MCC: variants seen among roughly 807,000 people sequenced by gnomAD.
The protein encoded by MCC is colorectal mutant cancer protein.
In MCC, 90 loss-of-function variants were observed where a neutral mutation model predicts 116.2. That is an observed-to-expected ratio of 0.77 (90% CI 0.65 to 0.92). MCC has a LOEUF of 0.92. Ranked by LOEUF, MCC falls within the 40% of genes least tolerant of loss-of-function variation. The pLI is 0.00. For synonymous variants in MCC, 578 were observed against 510.5 expected (o/e 1.13, Z -1.78); for missense variants, 1,516 against 1,312.2 (o/e 1.16, Z -2.40).
intron 3 of MCC, among the ~76,000 whole-genome samples, chr5:113,222,328 T>C (rs1763581103): frequency 6.6e-6 from 1 of 152,224 alleles, no homozygotes; most frequent in Admixed American, 6.5e-5. Context: ...GCTAAAATTG[T>C]CTTTTTTTAC....
intron 1 of MCC, among the ~76,000 whole-genome samples, chr5:113,484,622 A>T (rs895889871): frequency 4.6e-5 from 7 of 152,222 alleles, no homozygotes; most frequent in African/African-American, 1.7e-4. Context: ...ACGGCAGGAT[A>T]AAGCAAATCT....
intron 3 of MCC, among the ~76,000 whole-genome samples, chr5:113,168,185 C>T (rs1470494929): frequency 1.3e-5 from 2 of 152,060 alleles, no homozygotes; most frequent in African/African-American, 4.8e-5. Context: ...CAAGGGCATG[C>T]CACAACAAGC....
rs1762177240 is a variant in MCC at position 113,192,101 on chromosome 5, C to T, written c.628-40679G>A. ...GATGATGTTTATGTCACTTTTTGAGCTTAGATCTCATTCCAGTGTGCTGGG... is the reference window on the plus strand; with the variant it reads ...GATGATGTTTATGTCACTTTTTGAGTTTAGATCTCATTCCAGTGTGCTGGG... On this transcript the variant is annotated intron_variant, in intron 3 of 18. Coordinates refer to ENST00000408903, the MANE Select transcript of MCC (RefSeq NM_001085377.2). 2.0e-5 allele frequency among the ~76,000 whole-genome samples: 3 copies of T among 152,282 alleles called. No individual in the cohort carries two copies. The South Asian group carries it at 6.2e-4, about 32-fold the overall frequency.
intron 3 of MCC, among the ~76,000 whole-genome samples, chr5:113,313,833 T>C (rs1767201185): frequency 6.6e-6 from 1 of 152,076 alleles, no homozygotes; most frequent in Non-Finnish European, 1.5e-5. Flanking sequence ...GTTTGTTTGT[T>C]TGTTTCAGAC....
At chr5:113,065,174 C>A (rs1753511259) in intron 13 of MCC, among the ~76,000 whole-genome samples, 1 of 152,098 alleles carries the variant, frequency 6.6e-6, no homozygotes, top group African/African-American at 2.4e-5. Context: ...CAAGAATGAA[C>A]TCTGATGTAA....
intron 3 of MCC, among the ~76,000 whole-genome samples, chr5:113,208,801 C>T: frequency 6.6e-6 from 1 of 151,996 alleles, no homozygotes; most frequent in East Asian, 1.9e-4. Flanking sequence ...CAGTTCCTCA[C>T]TGTATTACTC....
intron 1 of MCC, among the ~76,000 whole-genome samples, chr5:113,472,659 T>A (rs1481462951): frequency 6.6e-6 from 1 of 152,220 alleles, no homozygotes; most frequent in African/African-American, 2.4e-5. Context: ...TGATTGTGAA[T>A]AGCAAATTAT....
At chr5:113,145,771 CACACACACACACAAA>C (rs1759470785) in intron 4 of MCC, among the ~76,000 whole-genome samples, 1,001 of 23,862 alleles carry the variant, frequency 0.042, 20 homozygotes, top group African/African-American at 0.11. Flanking sequence ...CACACACACA[CACACACACACACAAA>C]CACACACACA....
intron 3 of MCC, among the ~76,000 whole-genome samples, chr5:113,197,463 T>C (rs921440369): frequency 2.0e-5 from 3 of 152,170 alleles, no homozygotes; most frequent in Non-Finnish European, 4.4e-5. Flanking sequence ...AACCACTGGA[T>C]TGTACATTTG....
chr5:113,097,267 C>T (rs1374810011), intron 8 of MCC, among the ~76,000 whole-genome samples: 1 of 152,112 alleles, frequency 6.6e-6, no homozygotes, highest in Non-Finnish European at 1.5e-5. Context: ...CGCATACTTC[C>T]ACTGCCCAGA....
At chr5:113,039,649 A>G (rs1433670146) in intron 17 of MCC, among the ~76,000 whole-genome samples, 2 of 151,848 alleles carry the variant, frequency 1.3e-5, no homozygotes, top group Non-Finnish European at 2.9e-5. Flanking sequence ...AAACATGCAG[A>G]CTTCCCCACT....
At chr5:113,283,100 C>G (rs2150357885) in intron 3 of MCC, among the ~76,000 whole-genome samples, 1 of 152,378 alleles carries the variant, frequency 6.6e-6, no homozygotes, top group Non-Finnish European at 1.5e-5. Context: ...TATTCTTGGG[C>G]ACTCTGGAGG....
At chr5:113,394,814 C>A (rs1769484643) in intron 1 of MCC, among the ~76,000 whole-genome samples, 1 of 152,224 alleles carries the variant, frequency 6.6e-6, no homozygotes, top group South Asian at 2.1e-4. Context: ...TATCTCACTT[C>A]TAGTAAACCA....
At chr5:113,488,170 G>A (rs1373664992) in intron 1 of MCC, 75 bp downstream of exon 1, 12 of 1,399,250 alleles carry the variant, frequency 8.6e-6, no homozygotes, top group East Asian at 2.9e-5. Context: ...TGGGGCGAGG[G>A]GGCAGAGCAG....
At chr5:113,405,857 C>CA (rs1769818353) in intron 1 of MCC, among the ~76,000 whole-genome samples, 1 of 151,914 alleles carries the variant, frequency 6.6e-6, no homozygotes, top group Non-Finnish European at 1.5e-5. Flanking sequence ...CGTAAAAATA[C>CA]TTATTAATAT....
intron 1 of MCC, among the ~76,000 whole-genome samples, chr5:113,417,106 A>G (rs2150405446): frequency 6.6e-6 from 1 of 151,178 alleles, no homozygotes; most frequent in African/African-American, 2.4e-5. Context: ...AGTAGCTGGG[A>G]CTACAGACGC....
intron 1 of MCC, among the ~76,000 whole-genome samples, chr5:113,464,878 A>C (rs190573920): frequency 6.6e-6 from 1 of 152,300 alleles, no homozygotes; most frequent in African/African-American, 2.4e-5. Flanking sequence ...AAAATGAAAA[A>C]TAAAGCATAA....
At chr5:113,422,694 G>A (rs42462) in intron 1 of MCC, among the ~76,000 whole-genome samples, 152,260 of 152,294 alleles carry the variant, frequency 1, 76,113 homozygotes, top group Middle Eastern at 1. Context: ...GATGAGCCCA[G>A]TGGAGATGCA....
chr5:113,187,991 A>T (rs1761984603), intron 3 of MCC, among the ~76,000 whole-genome samples: 1 of 152,164 alleles, frequency 6.6e-6, no homozygotes, highest in African/African-American at 2.4e-5. Context: ...CTGCTCAAGC[A>T]TGATCCTGTT....
Sources: allele counts gnomAD v4.1 joint callset (sites outside exome capture counted in the v4.1 genomes callset), GRCh38; gene constraint gnomAD v4.1.1; transcripts MANE v1.5; gene names NCBI Gene and HGNC (gene_info 2026-07-23, HGNC 2026-07-21).